The following DLGAP2 variants were observed in gnomAD, a reference collection of about 807,000 sequenced individuals.
DLGAP2 encodes disks large-associated protein 2.
A neutral mutation model predicts 100.3 loss-of-function variants in DLGAP2; 26 were observed. The ratio of observed to expected loss-of-function variants is 0.26; its 90% CI spans 0.19 to 0.36. The LOEUF is 0.36. DLGAP2 is among the 10% of genes least tolerant of loss of function. DLGAP2 has a pLI of 1.00. For synonymous variants in DLGAP2, 886 were observed against 630.1 expected (o/e 1.41, Z -6.08); for missense variants, 1,858 against 1,453.2 (o/e 1.28, Z -4.53).
At chr8:1,459,930 C>T (rs1200700350) in intron 3 of DLGAP2, among the ~76,000 whole-genome samples, 1 of 152,144 alleles carries the variant, frequency 6.6e-6, no homozygotes, top group Non-Finnish European at 1.5e-5. Flanking sequence ...AAGTGATCCA[C>T]CCACCTCAGC....
At chr8:884,943 G>T (rs1018162274) in intron 1 of DLGAP2, among the ~76,000 whole-genome samples, 3 of 152,172 alleles carry the variant, frequency 2.0e-5, no homozygotes, top group African/African-American at 7.2e-5. Flanking sequence ...GATGGTTGTA[G>T]ATGTGTGGTG....
chr8:1,624,048 TCC>T (rs149848711), intron 6 of DLGAP2, among the ~76,000 whole-genome samples: 2,827 of 152,288 alleles, frequency 0.019, 90 homozygotes, highest in African/African-American at 0.065. Context: ...TCAGAGGTGA[TCC>T]CTTCGTTCAC....
intron 5 of DLGAP2, among the ~76,000 whole-genome samples, chr8:1,558,840 C>T (rs1802063681): frequency 7.1e-6 from 1 of 140,484 alleles, no homozygotes; most frequent in African/African-American, 2.5e-5. Flanking sequence ...TGCATGCACA[C>T]CCATATACCT....
chr8:1,093,231 A>T (rs993702313), intron 2 of DLGAP2, among the ~76,000 whole-genome samples: 2 of 151,982 alleles, frequency 1.3e-5, no homozygotes, highest in Admixed American at 1.3e-4. Context: ...ACCAACAGCC[A>T]GACAGAAACA....
At chr8:1,183,214 G>A (rs906209238) in intron 2 of DLGAP2, among the ~76,000 whole-genome samples, 4 of 152,180 alleles carry the variant, frequency 2.6e-5, no homozygotes, top group Non-Finnish European at 4.4e-5. Context: ...TCGGAGCGGG[G>A]TCCTGGCGTG....
chr8:1,233,415 G>A (rs867916740), intron 2 of DLGAP2, among the ~76,000 whole-genome samples: 1 of 152,324 alleles, frequency 6.6e-6, no homozygotes, highest in East Asian at 1.9e-4. Context: ...GGGCGTGCCT[G>A]TCTTAGTAAT....
intron 2 of DLGAP2, among the ~76,000 whole-genome samples, chr8:1,155,490 G>C (rs1039394156): frequency 1.3e-4 from 20 of 152,172 alleles, no homozygotes; most frequent in African/African-American, 4.3e-4. Context: ...GAATCTTGGA[G>C]GGAACTTTTC....
intron 3 of DLGAP2, among the ~76,000 whole-genome samples, chr8:1,437,360 G>A (rs2040988): frequency 0.17 from 25,421 of 151,928 alleles, 2,162 homozygotes; most frequent in South Asian, 0.24. Flanking sequence ...GCCACCTTAC[G>A]TTTCTCTGAA....
intron 4 of DLGAP2, among the ~76,000 whole-genome samples, chr8:1,516,202 A>G (rs989317544): frequency 6.6e-6 from 1 of 151,920 alleles, no homozygotes; most frequent in Non-Finnish European, 1.5e-5. Context: ...AGAATGAGTG[A>G]ATGTGTGCAT....
chr8:1,427,841 T>C (rs759655572), intron 3 of DLGAP2, among the ~76,000 whole-genome samples: 2 of 152,220 alleles, frequency 1.3e-5, no homozygotes, highest in Non-Finnish European at 2.9e-5. Flanking sequence ...CTTGGGTATG[T>C]CTTTATCAGC....
At chr8:1,507,241 G>A (rs561326710) in intron 4 of DLGAP2, among the ~76,000 whole-genome samples, 94 of 152,332 alleles carry the variant, frequency 6.2e-4, no homozygotes, top group African/African-American at 2.2e-3. Flanking sequence ...GGCCGCGCGG[G>A]AGCCCACCGC....
chr8:987,343 G>T (rs1251408885), intron 2 of DLGAP2, among the ~76,000 whole-genome samples: 2 of 152,176 alleles, frequency 1.3e-5, no homozygotes, highest in African/African-American at 4.8e-5. Context: ...TCTCAGTGGG[G>T]CTGGGCTGGG....
At chr8:976,780 A>C (rs1376407966) in intron 2 of DLGAP2, among the ~76,000 whole-genome samples, 2 of 152,226 alleles carry the variant, frequency 1.3e-5, no homozygotes, top group African/African-American at 4.8e-5. Context: ...GACTTATAAA[A>C]AACATAACTG....
At chr8:1,151,437 G>C (rs2129051557) in intron 2 of DLGAP2, among the ~76,000 whole-genome samples, 2 of 152,318 alleles carry the variant, frequency 1.3e-5, no homozygotes, top group Middle Eastern at 6.8e-3. Flanking sequence ...AAGGACCTTT[G>C]GCCTACGCGG....
intron 6 of DLGAP2, among the ~76,000 whole-genome samples, chr8:1,600,632 A>G (rs887057069): frequency 5.3e-5 from 8 of 152,150 alleles, no homozygotes; most frequent in African/African-American, 1.9e-4. Flanking sequence ...TGATGCTTCA[A>G]TTTCTGATAT....
intron 1 of DLGAP2, among the ~76,000 whole-genome samples, chr8:884,829 A>G (rs1056393740): frequency 4.6e-5 from 7 of 152,132 alleles, no homozygotes; most frequent in East Asian, 3.8e-4. Flanking sequence ...GAAGGGGTCC[A>G]TTGTCCGTTT....
At chr8:1,250,853 C>G (rs983205597) in intron 2 of DLGAP2, among the ~76,000 whole-genome samples, 1 of 152,192 alleles carries the variant, frequency 6.6e-6, no homozygotes, top group African/African-American at 2.4e-5. Context: ...CAGTCAGGCG[C>G]CAGGTAACGA....
At chr8:1,479,448 G>C (rs898682580) in intron 3 of DLGAP2, among the ~76,000 whole-genome samples, 2 of 152,184 alleles carry the variant, frequency 1.3e-5, no homozygotes, top group African/African-American at 4.8e-5. Context: ...AAACACAGCG[G>C]CACATTTAGC....
intron 3 of DLGAP2, among the ~76,000 whole-genome samples, chr8:1,331,666 A>ATAT (rs1222431404): frequency 5.3e-5 from 8 of 152,132 alleles, no homozygotes; most frequent in Non-Finnish European, 7.3e-5. Flanking sequence ...TATACGACAA[A>ATAT]CGTGGTAAAA....
Sources: gnomAD v4.1 joint callset for allele counts (sites outside exome capture counted in the v4.1 genomes callset) on GRCh38, gnomAD v4.1.1 for gene constraint, MANE v1.5 for transcripts, NCBI Gene and HGNC (gene_info 2026-07-23, HGNC 2026-07-21) for gene names.